The following KIAA1210 variants were observed in gnomAD, a reference collection of about 807,000 sequenced individuals.
KIAA1210 encodes acrosomal protein KIAA1210.
KIAA1210 carries 48 observed loss-of-function variants against 78.9 expected under a neutral mutation model. The ratio of observed to expected loss-of-function variants is 0.61; its 90% CI spans 0.48 to 0.77. The LOEUF (loss-of-function observed/expected upper bound fraction) is 0.77. Ranked by LOEUF, KIAA1210 falls within the 30% of genes least tolerant of loss-of-function variation. The probability of loss-of-function intolerance (pLI) is 0.00; values close to 1 mark genes in which losing one functional copy is unlikely to be tolerated. For synonymous variants in KIAA1210, 406 were observed against 404.5 expected, an observed-to-expected ratio of 1.00 and a Z score of -0.04; for missense variants, 1,108 against 1,100.0, an observed-to-expected ratio of 1.01 and a Z score of -0.10.
At position 119,094,898 on chromosome X, in the gene KIAA1210, T is replaced by C. The variant is rs1230205320; in HGVS notation, c.847-1123A>G. ...TGCTTCCCTCAGCCAACCTTCTCCATCTCCCAGGTTTGTGGTGAGGTATTC... is the reference window on the plus strand; with the variant it reads ...TGCTTCCCTCAGCCAACCTTCTCCACCTCCCAGGTTTGTGGTGAGGTATTC... On this transcript the variant is annotated intron_variant, in intron 7 of 11. Coordinates refer to ENST00000691062, the MANE Select transcript of KIAA1210 (RefSeq NM_001394962.1). Among the ~76,000 whole-genome samples the C allele has an allele frequency of 2.7e-5, 3 of 111,478 alleles. No homozygotes were observed. The Admixed American group carries it at 2.9e-4, about 11-fold the overall frequency.
intron 2 of KIAA1210, among the ~76,000 whole-genome samples, chrX:119,119,174 C>G (rs899780427): frequency 8.9e-6 from 1 of 112,565 alleles, no homozygotes; most frequent in Non-Finnish European, 1.9e-5. Context: ...TAAATGTGAG[C>G]TAGTGTTAGG....
intron 11 of KIAA1210, among the ~76,000 whole-genome samples, chrX:119,082,256 T>C (rs1160860629): frequency 8.9e-6 from 1 of 112,513 alleles, no homozygotes; most frequent in Non-Finnish European, 1.9e-5. Flanking sequence ...ACAGTGACAG[T>C]TGTGATTCAC....
At chrX:119,117,100 G>A (rs769828302) in intron 2 of KIAA1210, among the ~76,000 whole-genome samples, 96 of 112,349 alleles carry the variant, frequency 8.5e-4, no homozygotes, top group Non-Finnish European at 1.7e-3. Flanking sequence ...CAATAGGAGA[G>A]CCAAGCTCCC....
upstream of KIAA1210, among the ~76,000 whole-genome samples, chrX:119,128,064 C>A (rs916889777): frequency 9.0e-6 from 1 of 111,129 alleles, no homozygotes; most frequent in African/African-American, 3.3e-5. Flanking sequence ...CCTAGAACCT[C>A]ACCATTAAAT....
Position 119,092,700 on chromosome X carries a change from G to T in KIAA1210, c.955+967C>A, listed in dbSNP as rs766163884. The stretch of plus-strand genomic sequence containing the variant: ...TGCTTGAACTAGGGAGGTGGAGGTT[G>T]CAGTGAGCCGAGATCATGCCACTGC... On this transcript the variant is annotated intron_variant, in intron 8 of 11. Coordinates refer to ENST00000691062, the MANE Select transcript of KIAA1210 (RefSeq NM_001394962.1). Among the ~76,000 whole-genome samples the T allele has an allele frequency of 4.6e-5, 5 of 109,485 alleles. No individual in the cohort carries two copies. In the South Asian group the frequency reaches 2.0e-3, roughly 43 times the overall value.
In KIAA1210 at chrX:119,108,328, C is replaced by G. The variant is rs773520430; in HGVS notation, c.492+9G>C. On this transcript the variant is annotated intron_variant, in intron 5 of 11. Transcript: ENST00000691062. ...GCTGCCCATGCGCTGAACAATTCCA[C>G]TTTGTTACCTCAGTGATCTTGGGGC... 1 of 1,206,635 alleles carries G rather than the reference C, an allele frequency of 8.3e-7. No homozygotes were observed. Among genetic ancestry groups the G allele is most frequent in the Non-Finnish European group, 1.1e-6 (1 of 892,630 alleles).
At chrX:119,143,899 A>G (rs1929105761) in intron 2 of KIAA1210, among the ~76,000 whole-genome samples, 1 of 112,704 alleles carries the variant, frequency 8.9e-6, no homozygotes, top group South Asian at 3.7e-4. Context: ...ACCCATGGCC[A>G]CATGGCTAGT....
At chrX:119,133,460 G>A (rs1414775402) in intron 2 of KIAA1210, among the ~76,000 whole-genome samples, 5 of 111,241 alleles carry the variant, frequency 4.5e-5, no homozygotes, top group Admixed American at 9.5e-5. Flanking sequence ...ATACAACTAC[G>A]TCCATGCACA....
At chrX:119,132,548 A>G (rs1928818230), upstream of KIAA1210, among the ~76,000 whole-genome samples, 1 of 111,573 alleles carries the variant, frequency 9.0e-6, no homozygotes, top group African/African-American at 3.3e-5. Flanking sequence ...CCCTGCCAAA[A>G]TGTTAGAACA....
chrX:119,121,301 A>C (rs1249600094), intron 2 of KIAA1210, among the ~76,000 whole-genome samples: 1 of 111,758 alleles, frequency 8.9e-6, no homozygotes, highest in East Asian at 2.8e-4. Flanking sequence ...TCTAGACAGC[A>C]GGTATGGGTA....
chrX:119,105,395 C>T (rs1465447375), intron 5 of KIAA1210, among the ~76,000 whole-genome samples: 1 of 111,995 alleles, frequency 8.9e-6, no homozygotes, highest in South Asian at 3.7e-4. Context: ...TTGCCAATCC[C>T]CAAACAAAGA....
In KIAA1210 at chrX:119,116,529, T is replaced by C. The variant is rs376830417; in HGVS notation, c.197A>G (p.Gln66Arg). The change falls in exon 3 of 12, where the codon CAG becomes CGG. Residue 66 changes from glutamine to arginine, a missense_variant. Around this residue, in one of 5 missense-constraint regions of KIAA1210, gnomAD observed 672 missense variants for 607.1 expected, o/e 1.11. Coordinates refer to ENST00000691062, the MANE Select transcript of KIAA1210 (RefSeq NM_001394962.1). ...SSSNINISSLQPVRENQPTKA... is the reference protein window; with the variant it reads ...SSSNINISSLRPVRENQPTKA... ...AGTTGGTTGATTTTCCCGAACGGGC[T>C]GCAGAGAAGAGATGTTAATGTTGCT... 2 of 1,211,784 alleles carry C rather than the reference T, an allele frequency of 1.7e-6. No individual in the cohort carries two copies. Among genetic ancestry groups the C allele is most frequent in the Non-Finnish European group, 2.2e-6 (2 of 895,400 alleles).
intron 1 of KIAA1210, among the ~76,000 whole-genome samples, 178 bp from the exon 2 acceptor site, chrX:119,123,830 C>A: frequency 8.9e-6 from 1 of 111,979 alleles, no homozygotes; most frequent in South Asian, 3.7e-4. Context: ...GACAATGATT[C>A]CAAATGATTC....
In KIAA1210 at chrX:119,123,617, G is replaced by T. The variant is rs776668198; in HGVS notation, c.26C>A (p.Ser9Tyr). Reference protein sequence around the residue: MAESLSEISDSLDVLEAGD... With the variant: MAESLSEIYDSLDVLEAGD... The stretch of plus-strand genomic sequence containing the variant: ...GGCCTCCAGAACATCCAGACTGTCA[G>T]AAATTTCACTTAGTGATTCAGCCAT... The change falls in exon 2 of 12, where the codon TCT becomes TAT. Residue 9 changes from serine (S) to tyrosine (Y), a missense_variant. This residue lies in a region of KIAA1210 where 672 missense variants were observed against 607.1 expected (regional missense o/e 1.11). Transcript: ENST00000691062. The T allele has an allele frequency of 8.3e-7, 1 of 1,205,201 alleles. No homozygotes were observed. The highest frequency in any genetic ancestry group is 1.1e-6 in the Non-Finnish European group (1 of 890,835).
In KIAA1210 at chrX:119,109,142, A is replaced by C. The variant is rs1360812476; in HGVS notation, c.291T>G (p.Pro97=). ...LSHDSIFMLG[P]EPERSASKMF... ...TTTTACTTGCTGATCTTTCAGGCTC[A>C]GGACCCAACATGAAGATGCTATCAT... Residue 97 remains proline (P), a synonymous_variant, in exon 4 of 12, where the codon CCT becomes CCG. Transcript: ENST00000691062. 1 of 1,205,066 alleles carries C rather than the reference A, an allele frequency of 8.3e-7. No homozygotes were observed. The highest frequency in any genetic ancestry group is 1.1e-6 in the Non-Finnish European group (1 of 891,657).
rs376674040 is a variant in KIAA1210 at position 119,150,558 on chromosome X, G to C, written c.22C>G (p.Arg8Gly). Residue 8 changes from arginine to glycine, a missense_variant, in exon 1 of 14, where the codon CGA becomes GGA. Arg to Gly is a moderately radical substitution (Grantham distance 125). Coordinates refer to the KIAA1210 transcript ENST00000402510. ...GAAGCGTGAAAGGCAGAGAAGCCTCGAGGCGTCCAGCCGGCCCTCATTTCC... is the reference window on the plus strand; with the variant it reads ...GAAGCGTGAAAGGCAGAGAAGCCTCCAGGCGTCCAGCCGGCCCTCATTTCC... The C allele has an allele frequency of 1.5e-5, 18 of 1,205,926 alleles. No individual in the cohort carries two copies. Among genetic ancestry groups the C allele is most frequent in the Non-Finnish European group, 4.5e-6 (4 of 893,785 alleles).
intron 5 of KIAA1210, among the ~76,000 whole-genome samples, chrX:119,107,665 T>C: frequency 8.9e-6 from 1 of 112,269 alleles, no homozygotes; most frequent in Non-Finnish European, 1.9e-5. Flanking sequence ...GTGAGAGATG[T>C]GGGGTCTTAA....
intron 2 of KIAA1210, among the ~76,000 whole-genome samples, chrX:119,143,773 G>T (rs1364988117): frequency 8.9e-6 from 1 of 112,056 alleles, no homozygotes; most frequent in African/African-American, 3.2e-5. Flanking sequence ...TTTACTGAGG[G>T]CAACCTATGT....
Position 119,087,886 on chromosome X carries a change from T to G in KIAA1210, c.2816A>C (p.Lys939Thr). ...ESTTVEEDIS[K>T]EQLLPRHLSQ... The stretch of plus-strand genomic sequence containing the variant: ...AAGATGTCTGGGAAGCAGCTGCTCC[T>G]TAGAAATGTCCTCTTCAACAGTAGT... Residue 939 changes from lysine (K) to threonine (T), a missense_variant, in exon 9 of 12, where the codon AAG becomes ACG. This residue lies in a region of KIAA1210 where 179 missense variants were observed against 174.1 expected (regional missense o/e 1.03). Transcript: ENST00000691062. 1 of 1,211,889 alleles carries G rather than the reference T, an allele frequency of 8.3e-7. No individual in the cohort carries two copies. Among genetic ancestry groups the G allele is most frequent in the Non-Finnish European group, 1.1e-6 (1 of 895,458 alleles).
Sources: allele counts gnomAD v4.1 joint callset (sites outside exome capture counted in the v4.1 genomes callset), GRCh38; gene constraint gnomAD v4.1.1; regional missense constraint gnomAD v4.1.1; transcripts MANE v1.5; gene names NCBI Gene and HGNC (gene_info 2026-07-23, HGNC 2026-07-21).